Variants in ANKRD11 observed in about 807,000 individuals in gnomAD.
The protein encoded by ANKRD11 is ankyrin repeat domain-containing protein 11.
ANKRD11 carries 17 observed loss-of-function variants against 195.7 expected under a neutral mutation model. The observed-to-expected ratio is 0.09, with a 90% CI of 0.06 to 0.13. The LOEUF is 0.13. ANKRD11 is among the 10% of genes least tolerant of loss of function. The pLI is 1.00. For missense variants in ANKRD11, 3,735 were observed against 3,566.1 expected (o/e 1.05, Z -1.21); for synonymous variants, 1,953 against 1,528.1 (o/e 1.28, Z -6.49).
chr16:89,338,843 C>T (rs1217886145), intron 2 of ANKRD11, among the ~76,000 whole-genome samples: 1 of 151,862 alleles, frequency 6.6e-6, no homozygotes, highest in Non-Finnish European at 1.5e-5. Flanking sequence ...AATCATTTCC[C>T]TTTCTTAGCT....
At position 89,268,615 on chromosome 16, in the gene ANKRD11, C is replaced by T; in HGVS notation, c.7855G>A (p.Val2619Met). 2 of 1,562,888 alleles carry T rather than the reference C, an allele frequency of 1.3e-6. No homozygotes were observed. Among genetic ancestry groups the T allele is most frequent in the Non-Finnish European group, 1.7e-6 (2 of 1,153,814 alleles). The change falls in exon 13 of 13, where the codon GTG (valine) becomes ATG (methionine). Residue 2619 changes from valine to methionine, a missense_variant. By Grantham distance (21) the Val-to-Met change is conservative. Coordinates refer to ENST00000301030, the MANE Select transcript of ANKRD11 (RefSeq NM_013275.6). ...QQHEAAALNA[V>M]QRMEWQLKVQ... is the part of the protein sequence containing the mutation. Reference sequence around the variant, plus strand: ...TTCAGCTGCCACTCCATCCTCTGCACGGCGTTCAGGGCCGCGGCCTCGTGC... The same window carrying T: ...TTCAGCTGCCACTCCATCCTCTGCATGGCGTTCAGGGCCGCGGCCTCGTGC...
At position 89,280,332 on chromosome 16, in the gene ANKRD11, C is replaced by T. The variant is rs774918011; in HGVS notation, c.6210G>A (p.Lys2070=). The change falls in exon 9 of 13, where the codon AAG becomes AAA. Residue 2070 remains lysine, a synonymous_variant. Coordinates refer to ENST00000301030, the MANE Select transcript of ANKRD11 (RefSeq NM_013275.6). ...CGTCCAGCGGGGCTTCCGGAAGTGACTTGCAGTTGCTGAAGAAGGACTCCA... is the reference window on the plus strand; with the variant it reads ...CGTCCAGCGGGGCTTCCGGAAGTGATTTGCAGTTGCTGAAGAAGGACTCCA... ...SGLESFFSNC[K]SLPEAPLDVA... 2.0e-5 allele frequency: 31 copies of T among 1,580,158 alleles called. No individual in the cohort carries two copies. The African/African-American group carries it at 4.1e-4, about 21-fold the overall frequency.
At chr16:89,287,400 C>T (rs1407792797) in intron 7 of ANKRD11, 1 of 235,934 alleles carries the variant, frequency 4.2e-6, no homozygotes, top group Non-Finnish European at 8.6e-6. Context: ...TCTTGGGGGC[C>T]ATTATCCTGC....
At chr16:89,286,745 T>A (rs2034676353) in intron 7 of ANKRD11, 3 of 1,286,642 alleles carry the variant, frequency 2.3e-6, no homozygotes, top group African/African-American at 3.0e-5. Context: ...GTAAGGGTGG[T>A]CACATGACTG....
At chr16:89,429,716 G>A (rs1207577679) in intron 1 of ANKRD11, among the ~76,000 whole-genome samples, 1 of 60,532 alleles carries the variant, frequency 1.7e-5, no homozygotes, top group Non-Finnish European at 3.4e-5. Context: ...GTACACAGCA[G>A]GGACTCTCAA....
intron 2 of ANKRD11, among the ~76,000 whole-genome samples, chr16:89,334,647 T>A (rs1460336278): frequency 6.6e-6 from 1 of 151,884 alleles, no homozygotes; most frequent in East Asian, 1.9e-4. Flanking sequence ...TCAGCCACGC[T>A]CCATGAGGGG....
chr16:89,384,340 G>T (rs553476010), intron 2 of ANKRD11, among the ~76,000 whole-genome samples: 1 of 152,210 alleles, frequency 6.6e-6, no homozygotes. Flanking sequence ...AGACCAGCCC[G>T]TCCAACATAG....
intron 6 of ANKRD11, among the ~76,000 whole-genome samples, 198 bp downstream of exon 6, chr16:89,290,427 A>G (rs1416504339): frequency 6.4e-5 from 4 of 62,156 alleles, no homozygotes; most frequent in African/African-American, 2.7e-4. Flanking sequence ...CAGGGCTCCA[A>G]TGGGGGGAGG....
intron 1 of ANKRD11, among the ~76,000 whole-genome samples, chr16:89,433,120 T>G (rs1236023954): frequency 6.6e-6 from 1 of 152,302 alleles, no homozygotes; most frequent in Non-Finnish European, 1.5e-5. Context: ...CCATTCAGCT[T>G]CTTTAGAACA....
Position 89,281,432 on chromosome 16 carries a change from G to A in ANKRD11, c.5110C>T (p.Pro1704Ser). Residue 1704 changes from proline to serine, a missense_variant, in exon 9 of 13, where the codon CCC becomes TCC. By Grantham distance (74) the Pro-to-Ser change is moderately conservative. Coordinates refer to ENST00000301030, the MANE Select transcript of ANKRD11 (RefSeq NM_013275.6). The surrounding 1 kb of genome is among the most constrained non-coding windows in gnomAD (Gnocchi z 5.5). ...CAGGATAGCACCGACGTAGGGGTGG[G>A]CACGCCAGTGGGCCGGCTCTGGTCA... Reference protein sequence around the residue: ...RPDQSRPTGVPTPTSVLSCPS... With the variant: ...RPDQSRPTGVSTPTSVLSCPS... 2 of 1,612,936 alleles carry A rather than the reference G, an allele frequency of 1.2e-6. No homozygotes were observed. Among genetic ancestry groups the A allele is most frequent in the Non-Finnish European group, 1.7e-6 (2 of 1,179,172 alleles).
At position 89,282,828 on chromosome 16, in the gene ANKRD11, G is replaced by A. The variant is rs889100770; in HGVS notation, c.3714C>T (p.Leu1238=). The part of the protein sequence containing the change: ...STQDKKNKQK[L]PEKAEKKHAA... ...CGTGCTTCTTTTCAGCCTTCTCGGGGAGCTTCTGTTTATTTTTCTTATCTT... is the reference window on the plus strand; with the variant it reads ...CGTGCTTCTTTTCAGCCTTCTCGGGAAGCTTCTGTTTATTTTTCTTATCTT... Residue 1238 remains leucine, a synonymous_variant, in exon 9 of 13, where the codon CTC becomes CTT. Transcript: ENST00000301030. 3 of 1,611,276 alleles carry A rather than the reference G, an allele frequency of 1.9e-6. No homozygotes were observed. Among genetic ancestry groups the A allele is most frequent in the Non-Finnish European group, 2.5e-6 (3 of 1,180,004 alleles).
chr16:89,358,323 A>G (rs1597777412), intron 2 of ANKRD11, among the ~76,000 whole-genome samples: 1 of 152,234 alleles, frequency 6.6e-6, no homozygotes, highest in Admixed American at 6.5e-5. Context: ...ACAGCTGCAT[A>G]TTCACGGGAG....
chr16:89,284,933 T>G lies in ANKRD11; in HGVS notation c.1609A>C (p.Ser537Arg), dbSNP rs138975807. The change falls in exon 9 of 13, where the codon AGC (serine) becomes CGC (arginine). Residue 537 changes from serine (S) to arginine (R), a missense_variant. Transcript: ENST00000301030. ...TGCTTGGTGTGCTGGTCTGTGTGGCTGGGGTTCTGCTTCTGGGCGGCAGAG... is the reference window on the plus strand; with the variant it reads ...TGCTTGGTGTGCTGGTCTGTGTGGCGGGGGTTCTGCTTCTGGGCGGCAGAG... ...GSSAAQKQNP[S>R]HTDQHTKHWR... 12 of 1,614,162 alleles carry G rather than the reference T, an allele frequency of 7.4e-6. No homozygotes were observed. In the African/African-American group the frequency reaches 1.3e-4, roughly 18 times the overall value.
At chr16:89,305,429 G>C in intron 3 of ANKRD11, 85 bp from the exon 4 acceptor site, 4 of 1,584,938 alleles carry the variant, frequency 2.5e-6, no homozygotes, top group Non-Finnish European at 3.4e-6. Flanking sequence ...GCCAGGAGAA[G>C]CGCATCTCTT....
At chr16:89,324,268 C>T (rs967318488) in intron 2 of ANKRD11, 2 of 1,240,858 alleles carry the variant, frequency 1.6e-6, no homozygotes, top group African/African-American at 1.5e-5. Flanking sequence ...GTGGAACATA[C>T]AGGAGCCCCG....
intron 3 of ANKRD11, among the ~76,000 whole-genome samples, chr16:89,307,713 C>T (rs1273261617): frequency 6.6e-6 from 1 of 152,268 alleles, no homozygotes; most frequent in African/African-American, 2.4e-5. Flanking sequence ...ATGGCCCCCT[C>T]GGAGTGCAGT....
In ANKRD11 at chr16:89,285,538, T is replaced by C; in HGVS notation, c.1004A>G (p.Glu335Gly). The change falls in exon 9 of 13, where the codon GAG becomes GGG. Residue 335 changes from glutamate to glycine, a missense_variant. Transcript: ENST00000301030. The surrounding 1 kb of genome is among the most constrained non-coding windows in gnomAD (Gnocchi z 5.6). ...GACGGGGGCCGTGGCCTTCTGTGGCTCTGGGTTCTTGGCCTTGTGCTTGAG... is the reference window on the plus strand; with the variant it reads ...GACGGGGGCCGTGGCCTTCTGTGGCCCTGGGTTCTTGGCCTTGTGCTTGAG... ...KGLKHKAKNP[E>G]PQKATAPVKD... 6.2e-7 allele frequency: 1 copy of C among 1,614,042 alleles called. No homozygotes were observed.
At chr16:89,380,777 G>A (rs765156313) in intron 2 of ANKRD11, among the ~76,000 whole-genome samples, 4 of 152,234 alleles carry the variant, frequency 2.6e-5, no homozygotes, top group South Asian at 2.1e-4. Flanking sequence ...TCTCCTGCAC[G>A]GGCAGCAGGG....
At chr16:89,403,457 C>T (rs1044020023) in intron 2 of ANKRD11, among the ~76,000 whole-genome samples, 2 of 152,048 alleles carry the variant, frequency 1.3e-5, no homozygotes, top group African/African-American at 4.8e-5. Flanking sequence ...TCTCAGTAAG[C>T]GAGGCCCCGC....
Sources: allele counts gnomAD v4.1 joint callset (sites outside exome capture counted in the v4.1 genomes callset), GRCh38; gene constraint gnomAD v4.1.1; non-coding constraint Gnocchi (gnomAD v3.1); transcripts MANE v1.5; gene names NCBI Gene and HGNC (gene_info 2026-07-23, HGNC 2026-07-21).